The following SLC2A13 variants were observed in gnomAD, a reference collection of about 807,000 sequenced individuals.
SLC2A13 encodes solute carrier family 2 member 13.
SLC2A13 carries 32 observed loss-of-function variants against 64.4 expected under a neutral mutation model. That is an observed-to-expected ratio of 0.50 (90% confidence interval 0.37 to 0.67). The LOEUF (loss-of-function observed/expected upper bound fraction) is 0.67, where lower values mean the gene tolerates loss of function less well. Among genes scored for constraint, SLC2A13 ranks in the 30% least tolerant of loss-of-function variants. The pLI is 0.00. For missense variants in SLC2A13, 743 were observed against 829.2 expected, an observed-to-expected ratio of 0.90 and a Z score of 1.28; for synonymous variants, 338 against 327.1, an observed-to-expected ratio of 1.03 and a Z score of -0.36.
chr12:40,065,548 G>A (rs890535779), intron 1 of SLC2A13, among the ~76,000 whole-genome samples: 2 of 152,160 alleles, frequency 1.3e-5, no homozygotes, highest in African/African-American at 4.8e-5. Context: ...TCATATCACT[G>A]CACTCCAGCC....
intron 1 of SLC2A13, among the ~76,000 whole-genome samples, chr12:40,093,405 C>G (rs1938830494): frequency 6.6e-6 from 1 of 152,048 alleles, no homozygotes; most frequent in African/African-American, 2.4e-5. Flanking sequence ...CTGCTGTGTA[C>G]CAGGCACTAC....
chr12:39,950,023 A>G (rs1362451178), intron 4 of SLC2A13: 1 of 152,204 alleles, frequency 6.6e-6, no homozygotes, highest in East Asian at 1.9e-4. Flanking sequence ...GAGAAGCAGG[A>G]GAGAACAAAA....
chr12:39,871,971 A>T lies in SLC2A13; in HGVS notation c.1035-10T>A. On this transcript the variant is annotated splice_polypyrimidine_tract_variant and intron_variant, in intron 4 of 9. Transcript: ENST00000280871. ...GGTTGCACTGTAGTACCTGCAAAGC[A>T]ATGAATAAAACAATTGCTATTGATA... is the stretch of plus-strand genomic sequence containing the variant. 1 of 1,570,102 alleles carries T rather than the reference A, an allele frequency of 6.4e-7. No individual in the cohort carries two copies. The highest frequency in any genetic ancestry group is 8.6e-7 in the Non-Finnish European group (1 of 1,159,244).
chr12:39,808,173 T>G (rs2135799145), intron 7 of SLC2A13, among the ~76,000 whole-genome samples: 1 of 152,280 alleles, frequency 6.6e-6, no homozygotes, highest in East Asian at 1.9e-4. Flanking sequence ...GGGTTTGCTC[T>G]TCTAGAATTT....
At chr12:39,822,152 G>C (rs1455566192) in intron 7 of SLC2A13, among the ~76,000 whole-genome samples, 1 of 141,910 alleles carries the variant, frequency 7.0e-6, no homozygotes, top group South Asian at 2.2e-4. Flanking sequence ...TCCCACCTAT[G>C]AGTGAGAATA....
chr12:39,900,179 T>A (rs1206935857), intron 4 of SLC2A13, among the ~76,000 whole-genome samples: 1 of 152,108 alleles, frequency 6.6e-6, no homozygotes, highest in African/African-American at 2.4e-5. Flanking sequence ...TAGGTATTGA[T>A]GGGACGTATC....
chr12:39,923,566 G>A (rs967883544), intron 4 of SLC2A13, among the ~76,000 whole-genome samples: 1 of 152,038 alleles, frequency 6.6e-6, no homozygotes, highest in Non-Finnish European at 1.5e-5. Context: ...AAAAGTTCCA[G>A]AAATGGAGAG....
Position 40,105,606 on chromosome 12 carries a change from G to C in SLC2A13, c.203C>G (p.Ala68Gly). ...GGGVGDLERA[A>G]RRQFQQDETP... Reference sequence around the variant, plus strand: ...CTCGTCCTGCTGGAACTGCCGCCGCGCCGCGCGCTCCAGGTCCCCGACGCC... The same window carrying C: ...CTCGTCCTGCTGGAACTGCCGCCGCCCCGCGCGCTCCAGGTCCCCGACGCC... The change falls in exon 1 of 10, where the codon GCG (alanine) becomes GGG (glycine). Residue 68 changes from alanine to glycine, a missense_variant. Physicochemically the swap from Ala to Gly is moderately conservative, Grantham distance 60. This residue lies in a region of SLC2A13 where 448 missense variants were observed against 447.4 expected (regional missense o/e 1.00). Transcript: ENST00000280871. This position sits in a 1 kb window ranked among gnomAD's most constrained non-coding sequence, Gnocchi z 4.2. The C allele has an allele frequency of 6.6e-7, 1 of 1,520,772 alleles. No homozygotes were observed. Among genetic ancestry groups the C allele is most frequent in the Non-Finnish European group, 8.8e-7 (1 of 1,136,648 alleles). The allele number at this position is 1,520,772 out of a possible 1,614,324, so 94.2% of individuals were successfully genotyped here.
chr12:39,807,206 T>C (rs1297789454), intron 7 of SLC2A13, among the ~76,000 whole-genome samples: 3 of 152,176 alleles, frequency 2.0e-5, no homozygotes, highest in African/African-American at 4.8e-5. Context: ...CAGGGCCACG[T>C]AGGATGTGGG....
chr12:39,879,645 C>T (rs939231003), intron 4 of SLC2A13, among the ~76,000 whole-genome samples: 1 of 152,148 alleles, frequency 6.6e-6, no homozygotes, highest in African/African-American at 2.4e-5. Flanking sequence ...TATTTGTTTA[C>T]CCAATGCCTA....
intron 5 of SLC2A13, among the ~76,000 whole-genome samples, chr12:39,865,574 A>G (rs1294722422): frequency 6.6e-6 from 1 of 152,224 alleles, no homozygotes; most frequent in Non-Finnish European, 1.5e-5. Context: ...TAGACATCCT[A>G]ATGGCAAATA....
intron 4 of SLC2A13, among the ~76,000 whole-genome samples, chr12:39,892,948 T>C (rs1048191204): frequency 2.0e-5 from 3 of 152,192 alleles, no homozygotes; most frequent in African/African-American, 4.8e-5. Context: ...TTTATATTAA[T>C]TTATCAAACC....
At chr12:39,774,253 C>T (rs925352913) in intron 7 of SLC2A13, among the ~76,000 whole-genome samples, 1 of 152,112 alleles carries the variant, frequency 6.6e-6, no homozygotes, top group Non-Finnish European at 1.5e-5. Flanking sequence ...TAATTCCCAA[C>T]CAGAGATTTA....
intron 6 of SLC2A13, among the ~76,000 whole-genome samples, chr12:39,842,572 C>T (rs11173862): frequency 0.068 from 10,402 of 151,928 alleles, 492 homozygotes; most frequent in Admixed American, 0.087. Context: ...GAAAGTTCTA[C>T]GTGGAAAAGT....
chr12:39,932,878 G>C (rs1045996208), intron 4 of SLC2A13, among the ~76,000 whole-genome samples: 1 of 151,984 alleles, frequency 6.6e-6, no homozygotes, highest in Non-Finnish European at 1.5e-5. Context: ...GGATAAAGGT[G>C]GGGGTGGGAT....
chr12:39,964,541 C>T (rs769218285), intron 3 of SLC2A13, among the ~76,000 whole-genome samples: 2 of 152,156 alleles, frequency 1.3e-5, no homozygotes, highest in Non-Finnish European at 2.9e-5. Context: ...GGACATATAA[C>T]CATATCTTCC....
At chr12:40,040,978 G>C (rs971662793) in intron 2 of SLC2A13, among the ~76,000 whole-genome samples, 4 of 151,758 alleles carry the variant, frequency 2.6e-5, no homozygotes, top group African/African-American at 9.7e-5. Flanking sequence ...ATTTGAGATG[G>C]AGTCTAGCTG....
intron 3 of SLC2A13, among the ~76,000 whole-genome samples, chr12:40,020,946 C>T (rs1298458715): frequency 1.3e-5 from 2 of 148,936 alleles, no homozygotes; most frequent in Admixed American, 6.7e-5. Context: ...TCCATTTAAT[C>T]GTATTAAATA....
At chr12:40,020,483 C>G (rs1947694282) in intron 3 of SLC2A13, among the ~76,000 whole-genome samples, 1 of 152,176 alleles carries the variant, frequency 6.6e-6, no homozygotes, top group Non-Finnish European at 1.5e-5. Flanking sequence ...TGAGGCCTTC[C>G]CAGCCATGCA....
Sources: gnomAD v4.1 joint callset for allele counts (sites outside exome capture counted in the v4.1 genomes callset) on GRCh38, gnomAD v4.1.1 for gene constraint, gnomAD v4.1.1 regional missense constraint, Gnocchi (gnomAD v3.1) non-coding constraint, MANE v1.5 for transcripts, NCBI Gene and HGNC (gene_info 2026-07-23, HGNC 2026-07-21) for gene names.